Variants in ANTXR2 observed in about 807,000 individuals in gnomAD.
ANTXR2 encodes anthrax toxin receptor 2.
A neutral mutation model predicts 73.7 loss-of-function variants in ANTXR2; 44 were observed. That is an observed-to-expected ratio of 0.60 (90% confidence interval 0.47 to 0.77). ANTXR2 has a LOEUF of 0.77. ANTXR2 is among the 30% of genes least tolerant of loss of function. The pLI, the probability that ANTXR2 is intolerant of heterozygous loss-of-function variation, is 0.00. For missense variants in ANTXR2, 604 were observed against 592.5 expected (o/e 1.02, Z -0.20); for synonymous variants, 217 against 205.9 (o/e 1.05, Z -0.46).
At chr4:80,035,574 T>C (rs761635542) in intron 8 of ANTXR2, among the ~76,000 whole-genome samples, 3 of 152,162 alleles carry the variant, frequency 2.0e-5, no homozygotes, top group African/African-American at 4.8e-5. Context: ...CACTTCCTTA[T>C]GTGCCCTGAG....
intron 16 of ANTXR2, among the ~76,000 whole-genome samples, chr4:79,915,680 G>C (rs1006799123): frequency 6.6e-6 from 1 of 151,884 alleles, no homozygotes; most frequent in Non-Finnish European, 1.5e-5. Context: ...AAGAGGTCCA[G>C]GAAATCACTG....
chr4:80,051,305 A>G (rs1484530223), intron 7 of ANTXR2, among the ~76,000 whole-genome samples: 1 of 151,744 alleles, frequency 6.6e-6, no homozygotes, highest in Non-Finnish European at 1.5e-5. Context: ...GGGGACTACC[A>G]TACTCCAAAC....
intron 11 of ANTXR2, among the ~76,000 whole-genome samples, chr4:80,010,938 G>A (rs1731542415): frequency 6.6e-6 from 1 of 152,012 alleles, no homozygotes; most frequent in Non-Finnish European, 1.5e-5. Flanking sequence ...ACAAGGTCAG[G>A]AGATCGAGAC....
intron 16 of ANTXR2, among the ~76,000 whole-genome samples, chr4:79,917,475 A>C (rs1177416643): frequency 1.3e-5 from 2 of 152,138 alleles, no homozygotes; most frequent in Non-Finnish European, 2.9e-5. Context: ...GCAGAAAATC[A>C]GTTTGAAAGT....
At chr4:79,934,579 C>A (rs996162198) in intron 16 of ANTXR2, among the ~76,000 whole-genome samples, 1 of 151,700 alleles carries the variant, frequency 6.6e-6, no homozygotes, top group East Asian at 1.9e-4. Flanking sequence ...ATTTAAGACT[C>A]TTTTGACTCT....
At chr4:80,055,301 T>A in intron 5 of ANTXR2, 59 bp downstream of exon 5, 1 of 1,560,056 alleles carries the variant, frequency 6.4e-7, no homozygotes. Context: ...AGCTATACAT[T>A]CCGAGACACA....
chr4:80,012,866 G>T (rs1054662418), intron 11 of ANTXR2, among the ~76,000 whole-genome samples: 1 of 152,196 alleles, frequency 6.6e-6, no homozygotes, highest in Non-Finnish European at 1.5e-5. Context: ...GGATAAAAGT[G>T]CACTGAATGT....
At chr4:79,963,792 G>C (rs1487131119) in intron 16 of ANTXR2, among the ~76,000 whole-genome samples, 1 of 152,110 alleles carries the variant, frequency 6.6e-6, no homozygotes, top group African/African-American at 2.4e-5. Flanking sequence ...CAAAATTAAG[G>C]AGTTTTTGCA....
chr4:79,928,321 C>CA (rs1250770444), intron 16 of ANTXR2, among the ~76,000 whole-genome samples: 2 of 152,042 alleles, frequency 1.3e-5, no homozygotes, highest in Non-Finnish European at 2.9e-5. Context: ...TTCATAGAGA[C>CA]AGAATAAAAT....
rs755506469 is a variant in ANTXR2, at chr4:80,055,360, C to T, written c.486G>A (p.Glu162=). The change falls in exon 5 of 17, where the codon GAG becomes GAA. Residue 162 remains glutamate, a splice_region_variant and synonymous_variant. Transcript: ENST00000403729. ...DGLVPSYAEK[E]AKISRSLGAS... is the part of the protein sequence containing the mutation. ...AGAACAGTCTCAGTTCAATACTCAC[C>T]TCTTTCTCTGCATATGATGGCACCA... is the stretch of plus-strand genomic sequence containing the variant. The T allele has an allele frequency of 6.2e-7, 1 of 1,608,614 alleles. No homozygotes were observed. Among genetic ancestry groups the T allele is most frequent in the Non-Finnish European group, 8.5e-7 (1 of 1,176,348 alleles).
chr4:80,006,888 T>C lies in ANTXR2; in HGVS notation c.1041+1633A>G, dbSNP rs533867887. The stretch of plus-strand genomic sequence containing the variant: ...AGGGGAAATGCACCACTGCAAAGTT[T>C]AAATTAAAAAACCAAGGAGCACAAA... On this transcript the variant is annotated intron_variant, in intron 12 of 16. Coordinates refer to ENST00000403729, the MANE Select transcript of ANTXR2 (RefSeq NM_058172.6). 4.6e-5 allele frequency among the ~76,000 whole-genome samples: 7 copies of C among 152,292 alleles called. No individual in the cohort carries two copies. The South Asian group carries it at 1.4e-3, about 32-fold the overall frequency.
chr4:79,956,031 C>T (rs973004890), intron 16 of ANTXR2, among the ~76,000 whole-genome samples: 3 of 152,068 alleles, frequency 2.0e-5, no homozygotes, highest in African/African-American at 7.2e-5. Context: ...TTGGAGAGAA[C>T]TGAAGTAGGG....
chr4:80,067,209 A>T (rs1373884839), intron 3 of ANTXR2, among the ~76,000 whole-genome samples: 2 of 61,546 alleles, frequency 3.2e-5, no homozygotes, highest in Non-Finnish European at 7.4e-5. Flanking sequence ...CTGTCTCACA[A>T]AAAAAAAAAA....
At chr4:79,908,499 C>T (rs1727004906) in intron 16 of ANTXR2, among the ~76,000 whole-genome samples, 1 of 151,962 alleles carries the variant, frequency 6.6e-6, no homozygotes, top group African/African-American at 2.4e-5. Context: ...AATGACTGCT[C>T]AATAAATTTG....
chr4:79,989,150 T>C (rs1469931231), intron 12 of ANTXR2, among the ~76,000 whole-genome samples: 1 of 151,442 alleles, frequency 6.6e-6, no homozygotes, highest in Non-Finnish European at 1.5e-5. Context: ...AAATCAGAGC[T>C]GAACTGAAGG....
At chr4:79,996,087 G>T (rs1401220169) in intron 12 of ANTXR2, among the ~76,000 whole-genome samples, 2 of 151,972 alleles carry the variant, frequency 1.3e-5, no homozygotes, top group African/African-American at 4.8e-5. Flanking sequence ...GAGGAAAGCT[G>T]TAACTTCAAT....
intron 16 of ANTXR2, among the ~76,000 whole-genome samples, chr4:79,926,866 CAT>C (rs1330489945): frequency 1.6e-5 from 2 of 123,766 alleles, no homozygotes; most frequent in African/African-American, 2.9e-5. Flanking sequence ...GAAATTGTGG[CAT>C]ATATATGTGT....
intron 10 of ANTXR2, among the ~76,000 whole-genome samples, chr4:80,027,654 T>A (rs1732504678): frequency 6.6e-6 from 1 of 152,176 alleles, no homozygotes; most frequent in Non-Finnish European, 1.5e-5. Context: ...CCTTAAATCA[T>A]CTCTATCAAA....
intron 4 of ANTXR2, 109 bp downstream of exon 4, chr4:80,055,823 A>C: frequency 3.6e-6 from 3 of 826,878 alleles, no homozygotes; most frequent in Non-Finnish European, 5.5e-6. Context: ...CACTTTAAAA[A>C]CTTTAAGATA....
Sources: gnomAD v4.1 joint callset for allele counts (sites outside exome capture counted in the v4.1 genomes callset) on GRCh38, gnomAD v4.1.1 for gene constraint, MANE v1.5 for transcripts, NCBI Gene and HGNC (gene_info 2026-07-23, HGNC 2026-07-21) for gene names.